Variants in AFF2 observed in about 807,000 individuals in gnomAD.
AFF2 encodes the protein ALF transcription elongation factor 2.
In AFF2, 14 loss-of-function variants were observed where a neutral mutation model predicts 76.9. The observed-to-expected ratio is 0.18, with a 90% CI of 0.12 to 0.28. The LOEUF (loss-of-function observed/expected upper bound fraction) is 0.28. AFF2 is among the 10% of genes least tolerant of loss of function. The pLI, the probability that AFF2 is intolerant of heterozygous loss-of-function variation, is 1.00. For synonymous variants in AFF2, 398 were observed against 366.7 expected, an observed-to-expected ratio of 1.09 and a Z score of -0.98; for missense variants, 868 against 1,001.1, an observed-to-expected ratio of 0.87 and a Z score of 1.79.
intron 3 of AFF2, among the ~76,000 whole-genome samples, chrX:148,756,512 C>A (rs782762603): frequency 4.5e-5 from 5 of 112,279 alleles, no homozygotes; most frequent in African/African-American, 1.6e-4. Flanking sequence ...TGCAAATAAT[C>A]AACCTATTTA....
chrX:148,907,876 C>T (rs985840501), intron 9 of AFF2, among the ~76,000 whole-genome samples: 3 of 110,439 alleles, frequency 2.7e-5, no homozygotes, highest in Admixed American at 1.9e-4. Context: ...GGAGACTGGG[C>T]CTTATTTCAT....
rs1447380669 is a variant in AFF2, at chrX:148,994,908, G to T, written c.*3576G>T. ...AATTCACCTGCATGAGTTGGCAGGT[G>T]GGAGAACCAAACTGGATCACTGGGT... is the stretch of plus-strand genomic sequence containing the variant. On this transcript the variant is annotated 3_prime_UTR_variant, in exon 21 of 21. Coordinates refer to ENST00000370460, the MANE Select transcript of AFF2 (RefSeq NM_002025.4). 8.9e-6 allele frequency: 1 copy of T among 112,128 alleles called. No homozygotes were observed. The highest frequency in any genetic ancestry group is 3.3e-5 in the African/African-American group (1 of 30,736). 9.2% of individuals were successfully genotyped at this position (112,128 alleles called of 1,213,427 possible). A position where few individuals can be genotyped will look rare whatever the true frequency, so the allele number is the denominator to read the frequency against.
intron 3 of AFF2, among the ~76,000 whole-genome samples, chrX:148,754,928 T>C (rs782025189): frequency 8.9e-6 from 1 of 111,855 alleles, no homozygotes; most frequent in South Asian, 3.8e-4. Context: ...ATAACAGGAC[T>C]CTTTCTTATA....
chrX:148,613,236 A>T (rs1029744842), intron 1 of AFF2, among the ~76,000 whole-genome samples: 3 of 112,213 alleles, frequency 2.7e-5, no homozygotes, highest in Non-Finnish European at 5.6e-5. Flanking sequence ...AGCCAATTGC[A>T]GGTGCAAAAT....
At position 148,967,062 on chromosome X, in the gene AFF2, G is replaced by A. The variant is rs1557288881; in HGVS notation, c.3186G>A (p.Lys1062=). The change falls in exon 14 of 21, where the codon AAG becomes AAA. Residue 1062 remains lysine, a synonymous_variant. Transcript: ENST00000370460. ...GCAGCACTAATGTCCGGAGACCCAAGCTCACTTTTGATGACTCGTATGTTG... is the reference window on the plus strand; with the variant it reads ...GCAGCACTAATGTCCGGAGACCCAAACTCACTTTTGATGACTCGTATGTTG... The part of the protein sequence containing the change: ...SSSSTNVRRP[K]LTFDDSVHNA... 8.3e-7 allele frequency: 1 copy of A among 1,208,530 alleles called. No individual in the cohort carries two copies. The highest frequency in any genetic ancestry group is 1.1e-6 in the Non-Finnish European group (1 of 895,022).
At chrX:148,952,891 A>C in intron 9 of AFF2, among the ~76,000 whole-genome samples, 1 of 111,311 alleles carries the variant, frequency 9.0e-6, no homozygotes, top group Non-Finnish European at 1.9e-5. Flanking sequence ...TCATGCACCC[A>C]ACAGACAGAA....
At position 148,505,955 on chromosome X, in the gene AFF2, C is replaced by CTGTG. The variant is rs3838386; in HGVS notation, c.47+4839_47+4842dup. On this transcript the variant is annotated intron_variant, in intron 1 of 20. Transcript: ENST00000370460. ...AAGAAACCTTTTTGAGTGTGTGTGT[C>CTGTG]TGTGTGTGTGTGTGTGTGTGTGTGT... Among the ~76,000 whole-genome samples, 49 of 102,441 alleles carry CTGTG rather than the reference C, an allele frequency of 4.8e-4. 1 individual carries two copies. The highest frequency in any genetic ancestry group is 1.3e-3 in the South Asian group (3 of 2,243). 89.0% of individuals were successfully genotyped at this position (102,441 alleles called of 115,157 possible). A position where few individuals can be genotyped will look rare whatever the true frequency, so the allele number is the denominator to read the frequency against.
intron 1 of AFF2, among the ~76,000 whole-genome samples, chrX:148,563,290 G>A (rs1467924076): frequency 1.8e-5 from 2 of 112,190 alleles, no homozygotes; most frequent in African/African-American, 6.5e-5. Context: ...AGCGTTTGGA[G>A]GAGTTTAAGC....
At chrX:148,649,405 C>T (rs1033105490) in intron 1 of AFF2, among the ~76,000 whole-genome samples, 3 of 112,222 alleles carry the variant, frequency 2.7e-5, no homozygotes, top group East Asian at 2.8e-4. Context: ...TTCAATACAA[C>T]GCCATGCTGA....
intron 1 of AFF2, among the ~76,000 whole-genome samples, chrX:148,573,258 G>C (rs868941685): frequency 2.7e-5 from 3 of 111,436 alleles, no homozygotes; most frequent in Non-Finnish European, 5.7e-5. Flanking sequence ...TCAGTTGTAA[G>C]GTCAGCCATG....
intron 1 of AFF2, among the ~76,000 whole-genome samples, chrX:148,541,866 A>G (rs1323396088): frequency 9.2e-6 from 1 of 108,298 alleles, no homozygotes; most frequent in Non-Finnish European, 1.9e-5. Context: ...GGCACTATGT[A>G]CCTCTGTTAT....
intron 12 of AFF2, among the ~76,000 whole-genome samples, chrX:148,961,981 G>C (rs192297894): frequency 8.9e-6 from 1 of 112,650 alleles, no homozygotes; most frequent in East Asian, 2.8e-4. Flanking sequence ...ATTTGGTGGT[G>C]CCCATTTAAT....
intron 9 of AFF2, among the ~76,000 whole-genome samples, chrX:148,950,675 A>G (rs2071955157): frequency 8.9e-6 from 1 of 112,312 alleles, no homozygotes; most frequent in African/African-American, 3.2e-5. Context: ...GAACACAGAA[A>G]CAGATTTAGC....
chrX:148,707,798 C>T (rs369541376), intron 3 of AFF2, among the ~76,000 whole-genome samples: 18 of 111,550 alleles, frequency 1.6e-4, no homozygotes, highest in African/African-American at 4.9e-4. Context: ...TTGTCTGTGG[C>T]ATCGTGCTTT....
Position 148,977,800 on chromosome X carries a change from A to G in AFF2, c.3405-133A>G, listed in dbSNP as rs2072345092. ...TTTTCGGGGAAGCATGCTTTTGCCC[A>G]CATGTACCAGTCAGTCCTCTTGCCC... On this transcript the variant is annotated intron_variant, in intron 16 of 20. Coordinates refer to ENST00000370460, the MANE Select transcript of AFF2 (RefSeq NM_002025.4). 8.0e-6 allele frequency: 4 copies of G among 499,641 alleles called. No individual in the cohort carries two copies. The South Asian group carries it at 1.3e-4, about 16-fold the overall frequency. 41.2% of individuals were successfully genotyped at this position (499,641 alleles called of 1,213,427 possible).
In AFF2 at chrX:148,967,632, T is replaced by A. The variant is rs782426024; in HGVS notation, c.3207T>A (p.Val1069=). 2 of 1,206,840 alleles carry A rather than the reference T, an allele frequency of 1.7e-6. No individual in the cohort carries two copies. The highest frequency in any genetic ancestry group is 3.5e-5 in the African/African-American group (2 of 57,266). ...RRPKLTFDDS[V]HNADYYMQEA... is the part of the protein sequence containing the mutation. ...AGAGCTTGTTTTGTTTATTTAGGGT[T>A]CACAATGCTGATTATTACATGCAAG... Residue 1069 remains valine (V), a synonymous_variant, in exon 15 of 21, where the codon GTT becomes GTA. Transcript: ENST00000370460.
At chrX:148,673,508 T>C (rs1371544304) in intron 3 of AFF2, among the ~76,000 whole-genome samples, 2 of 111,740 alleles carry the variant, frequency 1.8e-5, no homozygotes, top group African/African-American at 6.5e-5. Context: ...AGGACATCAG[T>C]TATTGGATTT....
At chrX:148,834,287 G>C (rs1401014577) in intron 4 of AFF2, among the ~76,000 whole-genome samples, 1 of 112,021 alleles carries the variant, frequency 8.9e-6, no homozygotes, top group African/African-American at 3.2e-5. Context: ...ATTTGTTATA[G>C]TGGAAAGTGT....
At chrX:148,502,611 T>G (rs1333672599) in intron 1 of AFF2, among the ~76,000 whole-genome samples, 1 of 112,746 alleles carries the variant, frequency 8.9e-6, no homozygotes, top group Non-Finnish European at 1.9e-5. Context: ...AAAATTACTA[T>G]AAAATTATTG....
Sources: gnomAD v4.1 joint callset for allele counts (sites outside exome capture counted in the v4.1 genomes callset) on GRCh38, gnomAD v4.1.1 for gene constraint, MANE v1.5 for transcripts, NCBI Gene and HGNC (gene_info 2026-07-23, HGNC 2026-07-21) for gene names.